ARFGAP3: variants seen among roughly 807,000 people sequenced by gnomAD.
ARFGAP3 encodes the protein ARF GTPase activating protein 3, also known as ADP-ribosylation factor GTPase-activating protein 3.
ARFGAP3 carries 72 observed loss-of-function variants against 75.0 expected under a neutral mutation model. The ratio of observed to expected loss-of-function variants is 0.96; its 90% confidence interval spans 0.79 to 1.17. The LOEUF (loss-of-function observed/expected upper bound fraction) is 1.17. Among genes scored for constraint, ARFGAP3 ranks in the 50% most tolerant of loss-of-function variants. The probability of loss-of-function intolerance (pLI) is 0.00; values close to 1 mark genes in which losing one functional copy is unlikely to be tolerated. For missense variants in ARFGAP3, 620 were observed against 626.6 expected (o/e 0.99, Z 0.11); for synonymous variants, 221 against 217.9 (o/e 1.01, Z -0.13).
chr22:42,825,960 G>A (rs1926020573), intron 7 of ARFGAP3, among the ~76,000 whole-genome samples: 2 of 152,170 alleles, frequency 1.3e-5, no homozygotes, highest in South Asian at 2.1e-4. Flanking sequence ...CGTGAGTAGA[G>A]AATAACGTCA....
intron 12 of ARFGAP3, among the ~76,000 whole-genome samples, chr22:42,810,404 C>T (rs1925312793): frequency 6.6e-6 from 1 of 152,064 alleles, no homozygotes; most frequent in Non-Finnish European, 1.5e-5. Context: ...ACGGAGGCTG[C>T]AGTAAGCTGA....
Position 42,808,870 on chromosome 22 carries a change from G to A in ARFGAP3, c.1217C>T (p.Pro406Leu), listed in dbSNP as rs770027888. The A allele has an allele frequency of 6.2e-7, 1 of 1,611,084 alleles. No individual in the cohort carries two copies. The highest frequency in any genetic ancestry group is 8.5e-7 in the Non-Finnish European group (1 of 1,178,286). The change falls in exon 13 of 16, where the codon CCA becomes CTA. Residue 406 changes from proline (P) to leucine (L), a missense_variant. By Grantham distance (98) the Pro-to-Leu change is moderately conservative. Coordinates refer to ENST00000263245, the MANE Select transcript of ARFGAP3 (RefSeq NM_014570.5). ...TGTATTTTCAACTGGCTCATAATCT[G>A]GCTTGCGGCGAGCAGTAGGTCTGCA... ...YSDRPTARRK[P>L]DYEPVENTDE...
At chr22:42,840,324 A>G (rs941592418) in intron 3 of ARFGAP3, among the ~76,000 whole-genome samples, 3 of 152,216 alleles carry the variant, frequency 2.0e-5, no homozygotes, top group African/African-American at 7.2e-5. Flanking sequence ...TGAATAAACA[A>G]GTCAACTGGG....
chr22:42,819,972 A>G (rs1925740897), intron 9 of ARFGAP3, among the ~76,000 whole-genome samples: 1 of 152,172 alleles, frequency 6.6e-6, no homozygotes, highest in South Asian at 2.1e-4. Context: ...TGTTTTTGTG[A>G]TGTATTAAAC....
chr22:42,855,413 C>T (rs1927451655), intron 1 of ARFGAP3, among the ~76,000 whole-genome samples: 1 of 152,140 alleles, frequency 6.6e-6, no homozygotes, highest in Non-Finnish European at 1.5e-5. Context: ...AGGCTGGGCG[C>T]GGTGGCTCAC....
At chr22:42,840,608 T>A (rs891701643) in intron 3 of ARFGAP3, among the ~76,000 whole-genome samples, 4 of 151,794 alleles carry the variant, frequency 2.6e-5, no homozygotes, top group Non-Finnish European at 4.4e-5. Flanking sequence ...ATTTTTTTTT[T>A]AGTAGAGATG....
chr22:42,800,429 G>T (rs984607053), intron 14 of ARFGAP3, among the ~76,000 whole-genome samples: 1 of 152,234 alleles, frequency 6.6e-6, no homozygotes, highest in Non-Finnish European at 1.5e-5. Flanking sequence ...TACTTGGGAG[G>T]CTGAGGCAGG....
At chr22:42,820,484 A>T (rs1925763787) in intron 9 of ARFGAP3, among the ~76,000 whole-genome samples, 1 of 152,226 alleles carries the variant, frequency 6.6e-6, no homozygotes, top group East Asian at 1.9e-4. Context: ...GACAGTACGA[A>T]AAGTAGTTGC....
intron 12 of ARFGAP3, among the ~76,000 whole-genome samples, chr22:42,809,914 G>A (rs1341459785): frequency 4.6e-5 from 7 of 150,650 alleles, no homozygotes; most frequent in African/African-American, 1.5e-4. Flanking sequence ...TGAGGCAGGA[G>A]AATGGTGTGA....
intron 14 of ARFGAP3, 89 bp from the exon 15 acceptor site, chr22:42,799,249 A>C: frequency 6.4e-7 from 1 of 1,562,080 alleles, no homozygotes; most frequent in Admixed American, 1.7e-5. Flanking sequence ...GGCTCCAGAG[A>C]ACCCGGATCT....
chr22:42,801,453 C>T (rs1374949690), intron 14 of ARFGAP3, among the ~76,000 whole-genome samples: 1 of 152,202 alleles, frequency 6.6e-6, no homozygotes, highest in African/African-American at 2.4e-5. Context: ...GGGTTCTGTG[C>T]ATCACAGTCA....
chr22:42,817,931 A>G (rs1226761810), intron 9 of ARFGAP3, 74 bp from the exon 10 acceptor site: 5 of 1,346,566 alleles, frequency 3.7e-6, no homozygotes, highest in Non-Finnish European at 3.9e-6. Flanking sequence ...AAGCAAAATT[A>G]AACATGTAAT....
rs1362811487 is a variant in ARFGAP3 at position 42,835,458 on chromosome 22, AT to A, written c.296del (p.Asn99MetfsTer62). On this transcript the variant is annotated frameshift_variant, in exon 4 of 16. Transcript: ENST00000263245. LOFTEE classifies it high-confidence loss of function. ...SFFHQHGCSTNDTNAKYNSRA... is the reference protein window; with the variant it reads ...SFFHQHGCSTXDTNAKYNSRA... ...GACTGTTGTACTTGGCATTGGTGTC[AT>A]TGGTGGAACACCCATGTTGATGAAA... The A allele has an allele frequency of 3.1e-6, 5 of 1,614,126 alleles. No homozygotes were observed. The highest frequency in any genetic ancestry group is 4.2e-6 in the Non-Finnish European group (5 of 1,179,982).
At position 42,803,769 on chromosome 22, in the gene ARFGAP3, G is replaced by A. The variant is rs549436771; in HGVS notation, c.1411+3304C>T. ...AAAGAGAGTGCCCGTAAGAACGGCCGCAGGTCTCCTGGGCTAGAAACACCC... is the reference window on the plus strand; with the variant it reads ...AAAGAGAGTGCCCGTAAGAACGGCCACAGGTCTCCTGGGCTAGAAACACCC... On this transcript the variant is annotated intron_variant, in intron 14 of 15. Coordinates refer to ENST00000263245, the MANE Select transcript of ARFGAP3 (RefSeq NM_014570.5). 1.8e-4 allele frequency among the ~76,000 whole-genome samples: 28 copies of A among 152,294 alleles called. 1 individual carries two copies. In the South Asian group the frequency reaches 5.4e-3, roughly 29 times the overall value.
At chr22:42,845,538 A>C (rs1337937431) in intron 2 of ARFGAP3, among the ~76,000 whole-genome samples, 7 of 151,466 alleles carry the variant, frequency 4.6e-5, no homozygotes, top group Non-Finnish European at 8.8e-5. Context: ...AAAAAAAAAA[A>C]AACCCAAAAC....
chr22:42,838,977 G>T (rs1926658183), intron 3 of ARFGAP3, among the ~76,000 whole-genome samples: 1 of 151,666 alleles, frequency 6.6e-6, no homozygotes, highest in South Asian at 2.1e-4. Flanking sequence ...GGGTGTGGTG[G>T]CGGGCGCCTG....
At chr22:42,841,346 T>G (rs1926772144) in intron 2 of ARFGAP3, among the ~76,000 whole-genome samples, 1 of 152,198 alleles carries the variant, frequency 6.6e-6, no homozygotes, top group African/African-American at 2.4e-5. Flanking sequence ...TTGAAACAGA[T>G]GCACTGTTTG....
At chr22:42,803,355 G>C (rs1323556062) in intron 14 of ARFGAP3, among the ~76,000 whole-genome samples, 2 of 152,166 alleles carry the variant, frequency 1.3e-5, no homozygotes, top group Non-Finnish European at 2.9e-5. Flanking sequence ...CTGGAGCAAA[G>C]AGAAAAGGAG....
intron 15 of ARFGAP3, 165 bp from the exon 16 acceptor site, chr22:42,797,770 G>A (rs1924669806): frequency 1.0e-6 from 1 of 984,226 alleles, no homozygotes; most frequent in South Asian, 4.7e-5. Flanking sequence ...AGCCATTGCT[G>A]CAGCTTCAAG....
Sources: allele counts gnomAD v4.1 joint callset (sites outside exome capture counted in the v4.1 genomes callset), GRCh38; gene constraint gnomAD v4.1.1; transcripts MANE v1.5; gene names NCBI Gene and HGNC (gene_info 2026-07-23, HGNC 2026-07-21).